The following AR variants were observed in gnomAD, a reference collection of about 807,000 sequenced individuals.
The protein encoded by AR is androgen receptor.
Under a neutral mutation model 53.9 loss-of-function variants are expected in AR, and 8 were observed. The ratio of observed to expected loss-of-function variants is 0.15; its 90% CI spans 0.09 to 0.27. The LOEUF is 0.27. AR is among the 10% of genes least tolerant of loss of function. The pLI, the probability that AR is intolerant of heterozygous loss-of-function variation, is 1.00. For missense variants in AR, 639 were observed against 742.5 expected, an observed-to-expected ratio of 0.86 and a Z score of 1.62; for synonymous variants, 359 against 316.4, an observed-to-expected ratio of 1.13 and a Z score of -1.43.
chrX:67,723,421 CTT>C (rs1444653462), intron 7 of AR, among the ~76,000 whole-genome samples: 1 of 99,589 alleles, frequency 1.0e-5, no homozygotes, highest in Non-Finnish European at 2.0e-5. Flanking sequence ...CTGGAGAAGT[CTT>C]GAGTCAGAGA....
rs746181830 is a variant in AR, at chrX:67,545,458, C to G, written c.312C>G (p.Pro104=). Residue 104 remains proline, a synonymous_variant, in exon 1 of 8, where the codon CCC becomes CCG. Coordinates refer to ENST00000374690, the MANE Select transcript of AR (RefSeq NM_000044.6). ...CTCCCCAAGCCCATCGTAGAGGCCC[C>G]ACAGGCTACCTGGTCCTGGATGAGG... ...DGSPQAHRRG[P]TGYLVLDEEQ... 6.7e-6 allele frequency: 8 copies of G among 1,198,245 alleles called. No individual in the cohort carries two copies. Among genetic ancestry groups the G allele is most frequent in the Non-Finnish European group, 6.7e-6 (6 of 889,837 alleles).
chrX:67,714,318 G>A (rs2076104452), intron 4 of AR, among the ~76,000 whole-genome samples: 1 of 112,018 alleles, frequency 8.9e-6, no homozygotes, highest in South Asian at 3.7e-4. Context: ...TATGTATAAA[G>A]AGCACCTAGT....
chrX:67,720,450 T>A (rs1477414272), intron 5 of AR, among the ~76,000 whole-genome samples: 1 of 111,655 alleles, frequency 9.0e-6, no homozygotes, highest in East Asian at 2.8e-4. Flanking sequence ...ATTGCAGCAT[T>A]GTCATCAACA....
chrX:67,648,635 C>CT (rs1345133841), intron 2 of AR, among the ~76,000 whole-genome samples: 10 of 112,288 alleles, frequency 8.9e-5, no homozygotes, highest in African/African-American at 3.2e-4. Context: ...ACCCAAGTCT[C>CT]TGTCAGTGCC....
intron 3 of AR, among the ~76,000 whole-genome samples, chrX:67,710,668 T>C (rs2076090273): frequency 1.8e-5 from 2 of 111,519 alleles, no homozygotes; most frequent in Non-Finnish European, 3.8e-5. Context: ...TCCTTTAAAA[T>C]CAAGCACCAT....
At position 67,589,168 on chromosome X, in the gene AR, C is replaced by G. The variant is rs755369487; in HGVS notation, c.1616+42406C>G. Reference sequence around the variant, plus strand: ...GTCCCAGCTACTCGGGAGGCTGAGGCAGGAGAATGGCGTGAACCCGGGAAG... The same window carrying G: ...GTCCCAGCTACTCGGGAGGCTGAGGGAGGAGAATGGCGTGAACCCGGGAAG... On this transcript the variant is annotated intron_variant, in intron 1 of 7. Transcript: ENST00000374690. Among the ~76,000 whole-genome samples the G allele has an allele frequency of 1.5e-3, 164 of 109,626 alleles. 1 individual carries two copies. The highest frequency in any genetic ancestry group is 5.2e-3 in the African/African-American group (156 of 30,013).
Position 67,544,069 on chromosome X carries a change from C to A in AR, c.-1078C>A. The A allele has an allele frequency of 5.9e-6, 1 of 170,846 alleles. No homozygotes were observed. The highest frequency in any genetic ancestry group is 1.1e-5 in the Non-Finnish European group (1 of 88,707). 14.1% of individuals were successfully genotyped at this position (170,846 alleles called of 1,213,427 possible). On this transcript the variant is annotated 5_prime_UTR_variant, in exon 1 of 8. Transcript: ENST00000374690. ...GAGCCAGCTTGCTGGGAGAGCGGGA[C>A]GGTCCGGAGCAAGCCCAGAGGCAGA... is the stretch of plus-strand genomic sequence containing the variant.
chrX:67,627,696 C>T (rs1480746846), intron 1 of AR, among the ~76,000 whole-genome samples: 1 of 111,860 alleles, frequency 8.9e-6, no homozygotes, highest in African/African-American at 3.2e-5. Context: ...GTGTTTTAGA[C>T]ATGAAGTCCT....
At chrX:67,677,902 A>T (rs1200047364) in intron 2 of AR, among the ~76,000 whole-genome samples, 9 of 111,097 alleles carry the variant, frequency 8.1e-5, no homozygotes, top group Non-Finnish European at 1.9e-5. Flanking sequence ...AATATATATG[A>T]TCTGTAGAGT....
chrX:67,566,345 T>C (rs1921558342), intron 1 of AR, among the ~76,000 whole-genome samples: 2 of 112,035 alleles, frequency 1.8e-5, no homozygotes, highest in African/African-American at 3.2e-5. Flanking sequence ...GTAGTAAACA[T>C]ATGAACAGCA....
intron 1 of AR, among the ~76,000 whole-genome samples, chrX:67,601,675 GTTTA>G (rs900607242): frequency 8.9e-6 from 1 of 112,253 alleles, no homozygotes; most frequent in Non-Finnish European, 1.9e-5. Context: ...AGATTCATGT[GTTTA>G]TTTGATTAAT....
Position 67,708,854 on chromosome X carries a change from C to G in AR, c.1886-2548C>G, listed in dbSNP as rs757148071. On this transcript the variant is annotated intron_variant, in intron 3 of 7. Coordinates refer to ENST00000374690, the MANE Select transcript of AR (RefSeq NM_000044.6). ...TCCTTTCTGTTTGTTAGTTTTCCTT[C>G]TAACAGTCAGGACCCTCAGCTGCAG... is the stretch of plus-strand genomic sequence containing the variant. Among the ~76,000 whole-genome samples, 153 of 112,358 alleles carry G rather than the reference C, an allele frequency of 1.4e-3. 1 individual carries two copies. Among genetic ancestry groups the G allele is most frequent in the African/African-American group, 4.8e-3 (149 of 30,920 alleles).
rs185590564 is a variant in AR at position 67,584,542 on chromosome X, A to C, written c.1616+37780A>C. Reference sequence around the variant, plus strand: ...CTGTTTTGCCATTTATAAGAATTTGAGTAATTATTGTTTCTAAATAAGAGT... The same window carrying C: ...CTGTTTTGCCATTTATAAGAATTTGCGTAATTATTGTTTCTAAATAAGAGT... On this transcript the variant is annotated intron_variant, in intron 1 of 7. Transcript: ENST00000374690. 2.7e-5 allele frequency among the ~76,000 whole-genome samples: 3 copies of C among 111,975 alleles called. No individual in the cohort carries two copies. The Admixed American group carries it at 2.8e-4, about 11-fold the overall frequency.
At chrX:67,646,647 A>G (rs1386655761) in intron 2 of AR, among the ~76,000 whole-genome samples, 2 of 110,839 alleles carry the variant, frequency 1.8e-5, no homozygotes, top group Non-Finnish European at 3.8e-5. Context: ...AACAGAGGTA[A>G]GGGCTCAGAG....
intron 1 of AR, among the ~76,000 whole-genome samples, chrX:67,610,758 A>C (rs903944611): frequency 4.5e-5 from 5 of 111,757 alleles, no homozygotes; most frequent in South Asian, 7.5e-4. Context: ...TTCCCTTACT[A>C]ATGGATATTT....
At chrX:67,565,231 A>AT (rs1468474446) in intron 1 of AR, among the ~76,000 whole-genome samples, 1 of 111,942 alleles carries the variant, frequency 8.9e-6, no homozygotes, top group Middle Eastern at 4.6e-3. Context: ...ACTTTAAAAG[A>AT]TTGGTATTAA....
At chrX:67,686,846 T>C (rs1286748185) in intron 3 of AR, among the ~76,000 whole-genome samples, 1 of 111,213 alleles carries the variant, frequency 9.0e-6, no homozygotes, top group Non-Finnish European at 1.9e-5. Context: ...CACAAACCTG[T>C]CTACCATGAG....
In AR at chrX:67,545,622, C is replaced by T. The variant is rs2147316629; in HGVS notation, c.476C>T (p.Ala159Val). The change falls in exon 1 of 8, where the codon GCT becomes GTT. Residue 159 changes from alanine to valine, a missense_variant. Physicochemically the swap from Ala to Val is moderately conservative, Grantham distance 64. Coordinates refer to ENST00000374690, the MANE Select transcript of AR (RefSeq NM_000044.6). Reference protein sequence around the residue: ...LPAPPDEDDSAAPSTLSLLGP... With the variant: ...LPAPPDEDDSVAPSTLSLLGP... ...GCACCTCCGGACGAGGATGACTCAG[C>T]TGCCCCATCCACGTTGTCCCTGCTG... 1 of 1,191,379 alleles carries T rather than the reference C, an allele frequency of 8.4e-7. No homozygotes were observed. The highest frequency in any genetic ancestry group is 1.1e-6 in the Non-Finnish European group (1 of 885,093).
intron 2 of AR, among the ~76,000 whole-genome samples, chrX:67,646,505 T>G (rs534753321): frequency 9.0e-6 from 1 of 110,981 alleles, no homozygotes; most frequent in South Asian, 3.9e-4. Context: ...CTTGGTGGGA[T>G]GAACTCTGGG....
Sources: gnomAD v4.1 joint callset for allele counts (sites outside exome capture counted in the v4.1 genomes callset) on GRCh38, gnomAD v4.1.1 for gene constraint, MANE v1.5 for transcripts, NCBI Gene and HGNC (gene_info 2026-07-23, HGNC 2026-07-21) for gene names.